SYNE2: variants seen among roughly 807,000 people sequenced by gnomAD.
SYNE2 encodes the protein spectrin repeat containing nuclear envelope protein 2.
SYNE2 carries 431 observed loss-of-function variants against 856.3 expected under a neutral mutation model. The observed-to-expected ratio is 0.50, with a 90% CI of 0.47 to 0.55. SYNE2 has a LOEUF of 0.55. SYNE2 is among the 20% of genes least tolerant of loss of function. The pLI is 0.00. For missense variants in SYNE2, 8,129 were observed against 8,023.2 expected, an observed-to-expected ratio of 1.01 and a Z score of -0.50; for synonymous variants, 2,923 against 2,872.3, an observed-to-expected ratio of 1.02 and a Z score of -0.56.
chr14:63,823,365 C>T (rs773285120), intron 1 of SYNE2, among the ~76,000 whole-genome samples: 8 of 151,820 alleles, frequency 5.3e-5, no homozygotes, highest in African/African-American at 1.2e-4. Flanking sequence ...TTAGTAGAGA[C>T]GGGTTTTCAT....
intron 2 of SYNE2, among the ~76,000 whole-genome samples, chr14:63,936,301 A>G (rs1366160794): frequency 6.6e-6 from 1 of 152,184 alleles, no homozygotes; most frequent in Non-Finnish European, 1.5e-5. Context: ...TTCTGTTGAG[A>G]GGAGAGTGAG....
chr14:63,876,220 C>A, intron 1 of SYNE2, among the ~76,000 whole-genome samples: 1 of 143,800 alleles, frequency 7.0e-6, no homozygotes. Context: ...TGAGACCAGC[C>A]TGGGCAACAC....
chr14:63,848,173 C>T (rs1300852900), upstream of SYNE2: 1 of 152,228 alleles, frequency 6.6e-6, no homozygotes, highest in East Asian at 1.9e-4. Flanking sequence ...AGGCATCAGC[C>T]ACCTCGTCTG....
intron 69 of SYNE2, 31 bp from the exon 70 acceptor site, chr14:64,122,255 A>T (rs1428024381): frequency 6.2e-7 from 1 of 1,614,176 alleles, no homozygotes; most frequent in Admixed American, 1.7e-5. Context: ...AGTGTTGATT[A>T]TTCTCTTCAC....
chr14:63,804,335 G>A (rs1178363305), intron 1 of SYNE2, among the ~76,000 whole-genome samples: 1 of 151,928 alleles, frequency 6.6e-6, no homozygotes, highest in Non-Finnish European at 1.5e-5. Flanking sequence ...TCTGTTGATA[G>A]TTTCTTTTGC....
At chr14:64,015,012 T>G (rs2096880299) in intron 32 of SYNE2, among the ~76,000 whole-genome samples, 1 of 143,824 alleles carries the variant, frequency 7.0e-6, no homozygotes, top group Non-Finnish European at 1.5e-5. Flanking sequence ...TATATATATG[T>G]GTATATATGT....
chr14:63,784,901 G>A (rs1464796150), intron 1 of SYNE2, among the ~76,000 whole-genome samples: 1 of 152,044 alleles, frequency 6.6e-6, no homozygotes, highest in African/African-American at 2.4e-5. Context: ...ACACATATGT[G>A]TTTGTTTATG....
At position 64,087,824 on chromosome 14, in the gene SYNE2, G is replaced by T; in HGVS notation, c.11638G>T (p.Glu3880Ter). The change falls in exon 58 of 116, where the codon GAA (glutamate) becomes TAA (stop). Residue 3880 changes from glutamate to a stop codon, truncating the protein, a stop_gained. Coordinates refer to ENST00000555002, the MANE Select transcript of SYNE2 (RefSeq NM_182914.3). LOFTEE classifies it high-confidence loss of function. ...QVTALQQKIM[E>*]SLPQIQRMAD... The stretch of plus-strand genomic sequence containing the variant: ...AACAGCTTTACAACAAAAAATAATG[G>T]AAAGCCTTCCACAGATTCAGCGAAT... The T allele has an allele frequency of 6.2e-7, 1 of 1,614,046 alleles. No homozygotes were observed. Among genetic ancestry groups the T allele is most frequent in the Non-Finnish European group, 8.5e-7 (1 of 1,179,948 alleles).
chr14:63,903,541 C>A (rs909586949), intron 1 of SYNE2, among the ~76,000 whole-genome samples: 1 of 152,100 alleles, frequency 6.6e-6, no homozygotes, highest in African/African-American at 2.4e-5. Flanking sequence ...GTTGCCCAGG[C>A]TTGCCTCAAA....
At chr14:63,824,858 G>A (rs1566591178) in intron 1 of SYNE2, among the ~76,000 whole-genome samples, 1 of 151,944 alleles carries the variant, frequency 6.6e-6, no homozygotes, top group East Asian at 1.9e-4. Context: ...ACAGATGCCT[G>A]GGCGCAGACT....
intron 1 of SYNE2, among the ~76,000 whole-genome samples, chr14:63,880,204 C>T (rs910220194): frequency 1.3e-5 from 2 of 152,126 alleles, no homozygotes; most frequent in African/African-American, 4.8e-5. Context: ...GAGTCTCCTG[C>T]CTCAGCCTCC....
intron 1 of SYNE2, among the ~76,000 whole-genome samples, chr14:63,906,459 T>TA (rs994697492): frequency 5.3e-5 from 8 of 151,990 alleles, no homozygotes; most frequent in Admixed American, 2.0e-4. Flanking sequence ...TGGTAGGTTT[T>TA]AAAAAAAATT....
chr14:64,165,060 TA>T (rs1292743873), intron 89 of SYNE2, among the ~76,000 whole-genome samples: 2 of 151,740 alleles, frequency 1.3e-5, no homozygotes, highest in African/African-American at 4.8e-5. Context: ...GCTAATTTTT[TA>T]TTTTTTGCAG....
At chr14:63,818,165 T>A (rs982588106) in intron 1 of SYNE2, among the ~76,000 whole-genome samples, 10 of 151,354 alleles carry the variant, frequency 6.6e-5, no homozygotes, top group Non-Finnish European at 1.5e-4. Flanking sequence ...TGAAACCCTA[T>A]CTCTACTAAA....
In SYNE2 at chr14:63,998,219, GC is replaced by G; in HGVS notation, c.3245del (p.Ala1082GlufsTer6). ...TTTACTATTTTGCATATTCCCTTAG[GC>G]AATGGAACCCACTATGAAGTTTAGC... ...KSDNQPSTEK[A>X]MEPTMKFSLA... On this transcript the variant is annotated frameshift_variant and splice_region_variant, in exon 26 of 116. Coordinates refer to ENST00000555002, the MANE Select transcript of SYNE2 (RefSeq NM_182914.3). LOFTEE classifies it high-confidence loss of function. 1 of 1,608,134 alleles carries G rather than the reference GC, an allele frequency of 6.2e-7. No individual in the cohort carries two copies. Among genetic ancestry groups the G allele is most frequent in the Non-Finnish European group, 8.5e-7 (1 of 1,174,684 alleles).
At chr14:63,832,458 T>G (rs1276079892) in intron 1 of SYNE2, among the ~76,000 whole-genome samples, 3 of 151,968 alleles carry the variant, frequency 2.0e-5, no homozygotes, top group Non-Finnish European at 4.4e-5. Context: ...GTATTTCTAA[T>G]TCTGTAATTC....
intron 45 of SYNE2, chr14:64,034,540 G>C (rs939247997): frequency 1.9e-6 from 1 of 528,510 alleles, no homozygotes; most frequent in African/African-American, 1.9e-5. Context: ...TGCCATCATA[G>C]CATGTATATA....
At chr14:64,050,114 A>G (rs532618619) in intron 47 of SYNE2, among the ~76,000 whole-genome samples, 8 of 152,302 alleles carry the variant, frequency 5.3e-5, no homozygotes, top group African/African-American at 1.9e-4. Context: ...GAGGGTGGGA[A>G]GTCCAAGATC....
At chr14:64,055,403 C>T in intron 48 of SYNE2, among the ~76,000 whole-genome samples, 1 of 140,924 alleles carries the variant, frequency 7.1e-6, no homozygotes, top group Non-Finnish European at 1.5e-5. Context: ...GACTCTCACT[C>T]TGTCACCCAG....
Sources: gnomAD v4.1 joint callset for allele counts (sites outside exome capture counted in the v4.1 genomes callset) on GRCh38, gnomAD v4.1.1 for gene constraint, MANE v1.5 for transcripts, NCBI Gene and HGNC (gene_info 2026-07-23, HGNC 2026-07-21) for gene names.